ADAMTSL3: variants seen among roughly 807,000 people sequenced by gnomAD.
ADAMTSL3 encodes ADAMTS-like protein 3.
ADAMTSL3 carries 128 observed loss-of-function variants against 201.7 expected under a neutral mutation model. The observed-to-expected ratio is 0.63, with a 90% CI of 0.55 to 0.73. The LOEUF (loss-of-function observed/expected upper bound fraction) is 0.73. Among genes scored for constraint, ADAMTSL3 ranks in the 30% least tolerant of loss-of-function variants. The pLI is 0.00. For synonymous variants in ADAMTSL3, 738 were observed against 748.4 expected, an observed-to-expected ratio of 0.99 and a Z score of 0.23; for missense variants, 1,990 against 2,119.6, an observed-to-expected ratio of 0.94 and a Z score of 1.20.
intron 6 of ADAMTSL3, among the ~76,000 whole-genome samples, chr15:83,821,608 A>G (rs2063867253): frequency 1.3e-5 from 2 of 151,644 alleles, no homozygotes; most frequent in South Asian, 4.2e-4. Context: ...TTTTCTTAGT[A>G]CAGAACAAAA....
chr15:83,742,564 A>G (rs1298003261), intron 3 of ADAMTSL3, among the ~76,000 whole-genome samples: 2 of 152,242 alleles, frequency 1.3e-5, no homozygotes, highest in African/African-American at 4.8e-5. Context: ...ATAGACTTCT[A>G]ATTAGTTCTA....
intron 27 of ADAMTSL3, 142 bp from the exon 28 acceptor site, chr15:84,031,193 C>T: frequency 1.3e-6 from 1 of 769,824 alleles, no homozygotes; most frequent in East Asian, 2.5e-5. Context: ...TACCCTAATC[C>T]TCTTTAACTC....
At chr15:83,725,591 A>G (rs1443060868) in intron 3 of ADAMTSL3, among the ~76,000 whole-genome samples, 1 of 152,130 alleles carries the variant, frequency 6.6e-6, no homozygotes, top group Non-Finnish European at 1.5e-5. Context: ...AGAGATGGGT[A>G]TCTAGTTTTA....
chr15:83,659,515 G>A lies in ADAMTSL3; in HGVS notation c.69+3685G>A, dbSNP rs182086826. On this transcript the variant is annotated intron_variant, in intron 2 of 29. Coordinates refer to ENST00000286744, the MANE Select transcript of ADAMTSL3 (RefSeq NM_207517.3). ...TGGGAATGGAAGGCCAGGTGGCCTC[G>A]GGTAGATGCCCTTTGAGCTCCTGTT... Among the ~76,000 whole-genome samples the A allele has an allele frequency of 1.9e-3, 283 of 152,300 alleles. 3 individuals carry two copies. Among genetic ancestry groups the A allele is most frequent in the Admixed American group, 0.012 (187 of 15,298 alleles).
At chr15:83,836,299 T>C (rs1186598713) in intron 6 of ADAMTSL3, among the ~76,000 whole-genome samples, 1 of 152,212 alleles carries the variant, frequency 6.6e-6, no homozygotes, top group Non-Finnish European at 1.5e-5. Context: ...AACCAAATTA[T>C]GCTTAAACCT....
At chr15:83,729,966 A>G (rs922764263) in intron 3 of ADAMTSL3, among the ~76,000 whole-genome samples, 7 of 152,226 alleles carry the variant, frequency 4.6e-5, no homozygotes, top group African/African-American at 1.7e-4. Context: ...CACTGCAGCC[A>G]TACTTGCTTT....
chr15:84,002,936 C>CTTTTTTTTTTTTTTT (rs368176543), intron 23 of ADAMTSL3, among the ~76,000 whole-genome samples: 41 of 99,964 alleles, frequency 4.1e-4, no homozygotes, highest in Non-Finnish European at 5.9e-4. Context: ...CTTTTCTTTT[C>CTTTTTTTTTTTTTTT]TTTTTTTTTT....
In ADAMTSL3 at chr15:84,036,817, G is replaced by T. The variant is rs779533992; in HGVS notation, c.4799G>T (p.Cys1600Phe). ...TGCACATCAGGGGCCTGTGATGTGT[G>T]TTGGCACACAGGCCCTTGGAAGCCC... Reference protein sequence around the residue: ...RNCTSGACDVCWHTGPWKPCT... With the variant: ...RNCTSGACDVFWHTGPWKPCT... The change falls in exon 29 of 30, where the codon TGT (cysteine) becomes TTT (phenylalanine). Residue 1600 changes from cysteine (C) to phenylalanine (F), a missense_variant. Cys to Phe is a radical substitution (Grantham distance 205, BLOSUM62 -2). Coordinates refer to ENST00000286744, the MANE Select transcript of ADAMTSL3 (RefSeq NM_207517.3). 24 of 1,614,026 alleles carry T rather than the reference G, an allele frequency of 1.5e-5. No homozygotes were observed. The highest frequency in any genetic ancestry group is 2.0e-5 in the Non-Finnish European group (24 of 1,179,992).
chr15:83,766,174 G>A (rs2062886852), intron 3 of ADAMTSL3, among the ~76,000 whole-genome samples: 1 of 152,096 alleles, frequency 6.6e-6, no homozygotes, highest in African/African-American at 2.4e-5. Context: ...CCTTCCCCTG[G>A]GCCCCTTGTG....
At chr15:84,035,848 A>G (rs1196134120) in intron 28 of ADAMTSL3, among the ~76,000 whole-genome samples, 1 of 152,140 alleles carries the variant, frequency 6.6e-6, no homozygotes, top group East Asian at 1.9e-4. Context: ...TCATCTCTGC[A>G]GTTCTGTGTG....
rs762971029 is a variant in ADAMTSL3 at position 83,982,376 on chromosome 15, G to C, written c.2748G>C (p.Leu916=). 6.2e-7 allele frequency: 1 copy of C among 1,614,024 alleles called. No individual in the cohort carries two copies. The highest frequency in any genetic ancestry group is 1.1e-5 in the South Asian group (1 of 91,058). ...CAAGGGAAGAGAAGCGTATTAACCTGACCATTGGTAGCAGAGCCTATTTGC... is the reference window on the plus strand; with the variant it reads ...CAAGGGAAGAGAAGCGTATTAACCTCACCATTGGTAGCAGAGCCTATTTGC... ...IQTREEKRIN[L]TIGSRAYLLP... is the part of the protein sequence containing the mutation. The change falls in exon 21 of 30, where the codon CTG becomes CTC. Residue 916 remains leucine (L), a synonymous_variant. Transcript: ENST00000286744.
rs777925364 is a variant in ADAMTSL3 at position 83,655,849 on chromosome 15, G to A, written c.69+19G>A. On this transcript the variant is annotated intron_variant, in intron 2 of 29. Transcript: ENST00000286744. ...CCCGCAGGTAAGGTCATATAGGGAG[G>A]GGAAGGGAAATGGTGGACATCCCTC... The A allele has an allele frequency of 2.5e-6, 4 of 1,611,090 alleles. No homozygotes were observed. Among genetic ancestry groups the A allele is most frequent in the East Asian group, 2.2e-5 (1 of 44,818 alleles).
intron 19 of ADAMTSL3, among the ~76,000 whole-genome samples, chr15:83,962,765 C>T (rs934749513): frequency 6.6e-6 from 1 of 152,206 alleles, no homozygotes; most frequent in Non-Finnish European, 1.5e-5. Flanking sequence ...CTGCAGCTCC[C>T]AGTGAGATCA....
chr15:83,975,093 C>T (rs1184015449), intron 20 of ADAMTSL3, among the ~76,000 whole-genome samples: 1 of 151,380 alleles, frequency 6.6e-6, no homozygotes, highest in African/African-American at 2.4e-5. Context: ...GCTCTGCCTC[C>T]CGGGTTCACG....
At chr15:83,847,282 A>G (rs1343384034) in intron 7 of ADAMTSL3, among the ~76,000 whole-genome samples, 2 of 152,186 alleles carry the variant, frequency 1.3e-5, no homozygotes, top group Non-Finnish European at 2.9e-5. Context: ...GCTTACTGGC[A>G]TACTGCATTT....
chr15:83,858,943 A>T, intron 8 of ADAMTSL3, 103 bp downstream of exon 8: 1 of 964,822 alleles, frequency 1.0e-6, no homozygotes. Context: ...CAAGCAAAAA[A>T]ACTTTCTCTA....
At chr15:83,952,542 A>G (rs2142066310) in intron 19 of ADAMTSL3, among the ~76,000 whole-genome samples, 1 of 152,334 alleles carries the variant, frequency 6.6e-6, no homozygotes, top group South Asian at 2.1e-4. Context: ...TGGGATGTTG[A>G]AGACTCAAGC....
At chr15:83,878,614 A>C (rs199792242) in intron 9 of ADAMTSL3, among the ~76,000 whole-genome samples, 1 of 25,058 alleles carries the variant, frequency 4.0e-5, no homozygotes, top group African/African-American at 3.6e-4. Context: ...ACGCCATTTC[A>C]AAAAAAAAAA....
chr15:83,880,132 G>A (rs1331928745), intron 9 of ADAMTSL3, among the ~76,000 whole-genome samples: 3 of 151,894 alleles, frequency 2.0e-5, no homozygotes, highest in East Asian at 1.9e-4. Context: ...TCTTCAGCTT[G>A]AGGTCCAGGT....
Sources: gnomAD v4.1 joint callset for allele counts (sites outside exome capture counted in the v4.1 genomes callset) on GRCh38, gnomAD v4.1.1 for gene constraint, MANE v1.5 for transcripts, NCBI Gene and HGNC (gene_info 2026-07-23, HGNC 2026-07-21) for gene names.